The following CPSF2 variants were observed in gnomAD, a reference collection of about 807,000 sequenced individuals.
CPSF2 encodes the protein cleavage and polyadenylation specificity factor subunit 2.
Under a neutral mutation model 84.2 loss-of-function variants are expected in CPSF2, and 51 were observed. That is an observed-to-expected ratio of 0.61 (90% CI 0.48 to 0.77). CPSF2 has a LOEUF of 0.77. Ranked by LOEUF, CPSF2 falls within the 30% of genes least tolerant of loss-of-function variation. The probability of loss-of-function intolerance (pLI) is 0.00; values close to 1 mark genes in which losing one functional copy is unlikely to be tolerated. For missense variants in CPSF2, 641 were observed against 929.4 expected (o/e 0.69, Z 4.03); for synonymous variants, 286 against 311.9 (o/e 0.92, Z 0.87).
intron 5 of CPSF2, 111 bp from the exon 6 acceptor site, chr14:92,135,256 T>G: frequency 1.1e-6 from 1 of 947,864 alleles, no homozygotes; most frequent in South Asian, 2.5e-5. Context: ...CTTTTGAAAT[T>G]TGTATTATTG....
At chr14:92,158,932 T>G in intron 13 of CPSF2, 51 bp from the exon 14 acceptor site, 1 of 1,434,458 alleles carries the variant, frequency 7.0e-7, no homozygotes, top group Non-Finnish European at 9.5e-7. Flanking sequence ...TTTAATTTGT[T>G]AATATGTATT....
intron 1 of CPSF2, 173 bp downstream of exon 1, chr14:92,122,301 A>G: frequency 4.6e-6 from 1 of 216,758 alleles, no homozygotes; most frequent in Non-Finnish European, 9.5e-6. Context: ...CGAGGGAAAG[A>G]GAAGTGACTT....
At position 92,170,456 on chromosome 14, in the gene CPSF2, C is replaced by A. The variant is rs970915634; in HGVS notation, c.*8712C>A. 5.3e-5 allele frequency: 8 copies of A among 152,130 alleles called. No individual in the cohort carries two copies. Among genetic ancestry groups the A allele is most frequent in the African/African-American group, 1.9e-4 (8 of 41,424 alleles). 9.4% of individuals were successfully genotyped at this position (152,130 alleles called of 1,614,324 possible). ...ACCACAGTACTTAAAATCAGGAAACCAGCATTGATAAAATTCTACCATTTG... is the reference window on the plus strand; with the variant it reads ...ACCACAGTACTTAAAATCAGGAAACAAGCATTGATAAAATTCTACCATTTG... On this transcript the variant is annotated 3_prime_UTR_variant, in exon 16 of 16. Transcript: ENST00000298875.
At position 92,143,301 on chromosome 14, in the gene CPSF2, A is replaced by C; in HGVS notation, c.1140+7A>C. On this transcript the variant is annotated splice_region_variant and intron_variant, in intron 9 of 15. Coordinates refer to ENST00000298875, the MANE Select transcript of CPSF2 (RefSeq NM_017437.3). ...AAAAATTACAGAAATAGAGGTAAGC[A>C]CTTGTATGTGAACTTTATCTTAAAA... 6.4e-7 allele frequency: 1 copy of C among 1,565,358 alleles called. No individual in the cohort carries two copies. Among genetic ancestry groups the C allele is most frequent in the Non-Finnish European group, 8.7e-7 (1 of 1,145,244 alleles).
intron 14 of CPSF2, among the ~76,000 whole-genome samples, chr14:92,159,548 G>A (rs977769307): frequency 1.3e-5 from 2 of 152,092 alleles, no homozygotes; most frequent in Non-Finnish European, 2.9e-5. Flanking sequence ...AAACCTAGTC[G>A]GCATGGTGGC....
At chr14:92,123,202 C>T (rs1470744423) in intron 1 of CPSF2, among the ~76,000 whole-genome samples, 2 of 151,610 alleles carry the variant, frequency 1.3e-5, no homozygotes, top group African/African-American at 2.4e-5. Context: ...ATTCTCGGCT[C>T]ACTGCAACCT....
At position 92,154,346 on chromosome 14, in the gene CPSF2, A is replaced by AT. The variant is rs548691594; in HGVS notation, c.1141-3dup. On this transcript the variant is annotated splice_polypyrimidine_tract_variant and intron_variant, in intron 9 of 15. Transcript: ENST00000298875. ...ATATTAACATTTCCTTTTGTCTTTT[A>AT]TTTTTTTTTAGTTGAGGAAACGTGT... 333 of 1,540,168 alleles carry AT rather than the reference A, an allele frequency of 2.2e-4. No homozygotes were observed. Among genetic ancestry groups the AT allele is most frequent in the South Asian group, 4.0e-4 (33 of 83,538 alleles).
At chr14:92,152,506 A>G (rs1212556084) in intron 9 of CPSF2, among the ~76,000 whole-genome samples, 1 of 147,204 alleles carries the variant, frequency 6.8e-6, no homozygotes. Flanking sequence ...TGGTGCGATT[A>G]TGGCTCACTG....
chr14:92,143,504 G>A (rs1302552240), intron 9 of CPSF2, among the ~76,000 whole-genome samples: 4 of 152,062 alleles, frequency 2.6e-5, no homozygotes, highest in African/African-American at 9.7e-5. Context: ...GGAATTTGAG[G>A]TCAGCCTGGG....
At chr14:92,154,987 T>G in intron 10 of CPSF2, 136 bp from the exon 11 acceptor site, 3 of 632,188 alleles carry the variant, frequency 4.7e-6, no homozygotes, top group Non-Finnish European at 8.0e-6. Flanking sequence ...CTATTGTTGT[T>G]GACCGACATA....
At position 92,161,630 on chromosome 14, in the gene CPSF2, A is replaced by T. The variant is rs980736193; in HGVS notation, c.2257-22A>T. 3 of 1,534,422 alleles carry T rather than the reference A, an allele frequency of 2.0e-6. No individual in the cohort carries two copies. The South Asian group carries it at 3.6e-5, about 19-fold the overall frequency. ...TAATGAATAGAAAATGTACTAAAGAATTTTTTTTATTTGGTTTCTAGACGG... is the reference window on the plus strand; with the variant it reads ...TAATGAATAGAAAATGTACTAAAGATTTTTTTTTATTTGGTTTCTAGACGG... On this transcript the variant is annotated intron_variant, in intron 15 of 15. Coordinates refer to ENST00000298875, the MANE Select transcript of CPSF2 (RefSeq NM_017437.3).
chr14:92,161,441 T>C (rs1254385764), intron 15 of CPSF2, among the ~76,000 whole-genome samples, 195 bp downstream of exon 15: 2 of 152,236 alleles, frequency 1.3e-5, no homozygotes, highest in Non-Finnish European at 2.9e-5. Context: ...AAATGATATA[T>C]AATTTTATTG....
chr14:92,135,653 T>G (rs905609157), intron 6 of CPSF2, among the ~76,000 whole-genome samples, 157 bp downstream of exon 6: 1 of 152,190 alleles, frequency 6.6e-6, no homozygotes, highest in Non-Finnish European at 1.5e-5. Flanking sequence ...ATTATTTGCA[T>G]AGTAAGGGGG....
intron 2 of CPSF2, among the ~76,000 whole-genome samples, chr14:92,129,208 G>A (rs1242135688): frequency 2.0e-5 from 3 of 152,128 alleles, no homozygotes; most frequent in African/African-American, 7.2e-5. Flanking sequence ...AGAGTATGAT[G>A]AGGGAACAGC....
intron 13 of CPSF2, 74 bp from the exon 14 acceptor site, chr14:92,158,909 A>G: frequency 1.5e-6 from 2 of 1,321,120 alleles, no homozygotes; most frequent in Non-Finnish European, 2.1e-6. Flanking sequence ...GTAGAAAATG[A>G]TAATAGGTTA....
At chr14:92,152,436 A>G (rs2069232972) in intron 9 of CPSF2, among the ~76,000 whole-genome samples, 1 of 143,334 alleles carries the variant, frequency 7.0e-6, no homozygotes, top group Non-Finnish European at 1.5e-5. Context: ...GCCTATTATT[A>G]TTATTAATTT....
intron 7 of CPSF2, among the ~76,000 whole-genome samples, chr14:92,138,630 A>G (rs975020095): frequency 1.3e-5 from 2 of 151,976 alleles, no homozygotes; most frequent in Non-Finnish European, 2.9e-5. Flanking sequence ...GGGTTTCTCC[A>G]TGTTGGCCAG....
chr14:92,122,784 G>C, intron 1 of CPSF2, among the ~76,000 whole-genome samples: 1 of 152,016 alleles, frequency 6.6e-6, no homozygotes, highest in South Asian at 2.1e-4. Context: ...AGGCGAACCT[G>C]AGCTATCATT....
rs374702324 is a variant in CPSF2, at chr14:92,161,781, T to A, written c.*37T>A. On this transcript the variant is annotated 3_prime_UTR_variant, in exon 16 of 16. Transcript: ENST00000298875. ...TCAAGAAGTATCTGCTTGACCTTTC[T>A]AAGAAAAAGGGATTCTTATCTTACT... 1 of 1,173,660 alleles carries A rather than the reference T, an allele frequency of 8.5e-7. No homozygotes were observed. Among genetic ancestry groups the A allele is most frequent in the Non-Finnish European group, 1.2e-6 (1 of 827,446 alleles). 72.7% of individuals were successfully genotyped at this position (1,173,660 alleles called of 1,614,324 possible). A position where few individuals can be genotyped will look rare whatever the true frequency, so the allele number is the denominator to read the frequency against.
Sources: allele counts gnomAD v4.1 joint callset (sites outside exome capture counted in the v4.1 genomes callset), GRCh38; gene constraint gnomAD v4.1.1; transcripts MANE v1.5; gene names NCBI Gene and HGNC (gene_info 2026-07-23, HGNC 2026-07-21).